The following ZNF160 variants were observed in gnomAD, a reference collection of about 807,000 sequenced individuals.
ZNF160 encodes KRAB zinc finger protein KR18.
Under a neutral mutation model 13.1 loss-of-function variants are expected in ZNF160, and 9 were observed. That is an observed-to-expected ratio of 0.69 (90% confidence interval 0.41 to 1.20). The LOEUF (loss-of-function observed/expected upper bound fraction) is 1.20, where lower values mean the gene tolerates loss of function less well. ZNF160 is among the 50% of genes most tolerant of loss of function. ZNF160 has a pLI of 0.01. For missense variants in ZNF160, 838 were observed against 988.0 expected (o/e 0.85, Z 2.04); for synonymous variants, 293 against 333.2 (o/e 0.88, Z 1.31).
Position 53,097,506 on chromosome 19 carries a change from C to T in ZNF160, c.-354+5759G>A, listed in dbSNP as rs533356869. Among the ~76,000 whole-genome samples, 237 of 151,772 alleles carry T rather than the reference C, an allele frequency of 1.6e-3. 2 individuals carry two copies. Among genetic ancestry groups the T allele is most frequent in the African/African-American group, 4.4e-3 (179 of 41,130 alleles). On this transcript the variant is annotated intron_variant, in intron 1 of 5. Transcript: ENST00000683776. ...ATCCAGAAGCCCTGTTATGAAATCT[C>T]ACAAGCCCCAGTAACTCATGGAATA...
chr19:53,088,493 C>A (rs1260088624), intron 2 of ZNF160, among the ~76,000 whole-genome samples: 1 of 150,126 alleles, frequency 6.7e-6, no homozygotes, highest in Non-Finnish European at 1.5e-5. Flanking sequence ...GCCAACACAG[C>A]AAGATCCTGT....
chr19:53,070,839 G>A (rs1366647704), intron 5 of ZNF160, among the ~76,000 whole-genome samples: 1 of 152,138 alleles, frequency 6.6e-6, no homozygotes, highest in Non-Finnish European at 1.5e-5. Context: ...AGGATCACAG[G>A]AGGCCACGAG....
chr19:53,069,054 A>C lies in ZNF160; in HGVS notation c.1480T>G (p.Ser494Ala). The change falls in exon 6 of 6, where the codon TCA (serine) becomes GCA (alanine). Residue 494 changes from serine (S) to alanine (A), a missense_variant. Transcript: ENST00000683776. The surrounding 1 kb of genome is among the most constrained non-coding windows in gnomAD (Gnocchi z 4.4). ...ATTCTTCGATGATTTGCAAGTTGTGAATTTTGAGTGAAAACCTTGCTGCAT... is the reference window on the plus strand; with the variant it reads ...ATTCTTCGATGATTTGCAAGTTGTGCATTTTGAGTGAAAACCTTGCTGCAT... ...NECSKVFTQN[S>A]QLANHRRIHT... 1 of 1,614,096 alleles carries C rather than the reference A, an allele frequency of 6.2e-7. No homozygotes were observed. The highest frequency in any genetic ancestry group is 2.2e-5 in the East Asian group (1 of 44,862).
At chr19:53,078,055 C>T (rs566011974) in intron 3 of ZNF160, among the ~76,000 whole-genome samples, 8 of 152,274 alleles carry the variant, frequency 5.3e-5, no homozygotes, top group Admixed American at 2.0e-4. Context: ...GCCTGGCCAA[C>T]ATGATGAAAC....
intron 3 of ZNF160, chr19:53,075,905 G>C: frequency 2.1e-6 from 1 of 483,248 alleles, no homozygotes; most frequent in South Asian, 1.5e-5. Context: ...TTGTGGGATT[G>C]AGCCCTCAGC....
In ZNF160 at chr19:53,072,894, TAAGAGA is replaced by T. The variant is rs1234610107; in HGVS notation, c.271+1240_271+1245del. ...CGTGGAATAATAAACAGTTTTGTCT[TAAGAGA>T]AAGAAGCATTTTTATTTAGAACCAA... On this transcript the variant is annotated intron_variant, in intron 5 of 5. Transcript: ENST00000683776. 2.3e-5 allele frequency: 18 copies of T among 795,822 alleles called. No homozygotes were observed. The African/African-American group carries it at 3.4e-4, about 15-fold the overall frequency. 49.3% of individuals were successfully genotyped at this position (795,822 alleles called of 1,614,324 possible).
At chr19:53,098,627 C>G (rs916732874) in intron 1 of ZNF160, among the ~76,000 whole-genome samples, 11 of 151,804 alleles carry the variant, frequency 7.2e-5, no homozygotes, top group African/African-American at 2.7e-4. Flanking sequence ...ACTCACAGTC[C>G]CCTGCAAAAT....
intron 1 of ZNF160, among the ~76,000 whole-genome samples, chr19:53,094,130 C>G (rs2085133543): frequency 1.3e-5 from 2 of 152,118 alleles, no homozygotes; most frequent in Admixed American, 1.3e-4. Flanking sequence ...CCAAAGGTAA[C>G]CCAGAAATTT....
intron 2 of ZNF160, among the ~76,000 whole-genome samples, chr19:53,090,196 T>C (rs36001188): frequency 0.14 from 20,830 of 152,044 alleles, 1,903 homozygotes; most frequent in East Asian, 0.33. Flanking sequence ...CATTGCTGTC[T>C]GCCCTGACTC....
At chr19:53,074,483 T>C (rs373396148) in intron 4 of ZNF160, among the ~76,000 whole-genome samples, 2 of 151,802 alleles carry the variant, frequency 1.3e-5, no homozygotes, top group Non-Finnish European at 2.9e-5. Flanking sequence ...ATGGCTAACA[T>C]GGTGAAACCC....
At chr19:53,088,097 G>C (rs1228512601) in intron 2 of ZNF160, among the ~76,000 whole-genome samples, 1 of 152,202 alleles carries the variant, frequency 6.6e-6, no homozygotes, top group Admixed American at 6.5e-5. Flanking sequence ...CAGAGAACAA[G>C]AAAGTTCTGG....
intron 3 of ZNF160, 70 bp downstream of exon 3, chr19:53,086,192 G>A (rs2084823532): frequency 1.3e-6 from 2 of 1,509,300 alleles, no homozygotes; most frequent in African/African-American, 1.4e-5. Flanking sequence ...ACTCAGAGAA[G>A]ATTCGCAATG....
intron 3 of ZNF160, 162 bp from the exon 4 acceptor site, chr19:53,075,345 C>G: frequency 1.2e-6 from 1 of 803,038 alleles, no homozygotes; most frequent in Non-Finnish European, 2.0e-6. Flanking sequence ...CTTCATCCCC[C>G]TCTCCTGACA....
At chr19:53,084,192 A>C (rs1199288813) in intron 3 of ZNF160, among the ~76,000 whole-genome samples, 1 of 152,124 alleles carries the variant, frequency 6.6e-6, no homozygotes, top group East Asian at 1.9e-4. Flanking sequence ...CTGCCCACGA[A>C]GGCACCAGTG....
intron 5 of ZNF160, 64 bp from the exon 6 acceptor site, chr19:53,070,326 T>C (rs1227953878): frequency 5.0e-6 from 7 of 1,401,116 alleles, no homozygotes; most frequent in South Asian, 1.6e-5. Flanking sequence ...ATATTTTACA[T>C]TGAAAACATA....
At position 53,068,521 on chromosome 19, in the gene ZNF160, A is replaced by G. The variant is rs2084041297; in HGVS notation, c.2013T>C (p.His671=). 1 of 1,613,514 alleles carries G rather than the reference A, an allele frequency of 6.2e-7. No homozygotes were observed. The highest frequency in any genetic ancestry group is 1.1e-5 in the South Asian group (1 of 91,038). The change falls in exon 6 of 6, where the codon CAT becomes CAC. Residue 671 remains histidine, a synonymous_variant. Coordinates refer to ENST00000683776, the MANE Select transcript of ZNF160 (RefSeq NM_001322131.2). ...HSNLTTHKVI[H]TGEKPYKCNQ... ...TACATTTGTAAGGCTTCTCTCCAGT[A>G]TGGATGACCTTATGGGTAGTTAGGT...
chr19:53,093,579 T>C (rs564942779), intron 1 of ZNF160: 1 of 152,326 alleles, frequency 6.6e-6, no homozygotes, highest in East Asian at 1.9e-4. Context: ...CTTGCCCTGG[T>C]ACCTTGGCCT....
chr19:53,086,273 C>A lies in ZNF160; in HGVS notation c.4G>T (p.Ala2Ser), dbSNP rs776594753. 6.3e-7 allele frequency: 1 copy of A among 1,588,484 alleles called. No homozygotes were observed. Among genetic ancestry groups the A allele is most frequent in the Non-Finnish European group, 8.6e-7 (1 of 1,168,578 alleles). M[A>S]LTQVRLTFRD... ...GAGTATCACTTTACCTGAGTAAGGG[C>A]CATCCCTGACTCCTTTTCTTTCCTC... is the stretch of plus-strand genomic sequence containing the variant. The change falls in exon 3 of 6, where the codon GCC becomes TCC. Residue 2 changes from alanine to serine, a missense_variant. By Grantham distance (99) the Ala-to-Ser change is moderately conservative. This residue lies in a region of ZNF160 where 387 missense variants were observed against 402.3 expected (regional missense o/e 0.96). Coordinates refer to ENST00000683776, the MANE Select transcript of ZNF160 (RefSeq NM_001322131.2).
At chr19:53,076,899 T>C (rs1193641411) in intron 3 of ZNF160, 3 of 152,164 alleles carry the variant, frequency 2.0e-5, no homozygotes, top group African/African-American at 7.2e-5. Context: ...GGAATATCCA[T>C]CTAACATTCT....
Sources: allele counts gnomAD v4.1 joint callset (sites outside exome capture counted in the v4.1 genomes callset), GRCh38; gene constraint gnomAD v4.1.1; regional missense constraint gnomAD v4.1.1; non-coding constraint Gnocchi (gnomAD v3.1); transcripts MANE v1.5; gene names NCBI Gene and HGNC (gene_info 2026-07-23, HGNC 2026-07-21).